The following PPFIA1 variants were observed in gnomAD, a reference collection of about 807,000 sequenced individuals.
PPFIA1 encodes the protein PPFI scaffold protein A1, also known as liprin-alpha-1.
Under a neutral mutation model 149.9 loss-of-function variants are expected in PPFIA1, and 25 were observed. The observed-to-expected ratio is 0.17, with a 90% confidence interval of 0.12 to 0.23. The LOEUF (loss-of-function observed/expected upper bound fraction) is 0.23, where lower values mean the gene tolerates loss of function less well. PPFIA1 is among the 10% of genes least tolerant of loss of function. The probability of loss-of-function intolerance (pLI) is 1.00; values close to 1 mark genes in which losing one functional copy is unlikely to be tolerated. For synonymous variants in PPFIA1, 549 were observed against 552.8 expected (o/e 0.99, Z 0.10); for missense variants, 1,362 against 1,506.5 (o/e 0.90, Z 1.59).
chr11:70,293,109 A>G (rs1350579308), intron 2 of PPFIA1, among the ~76,000 whole-genome samples: 3 of 152,234 alleles, frequency 2.0e-5, no homozygotes, highest in Non-Finnish European at 4.4e-5. Flanking sequence ...GGCACACAGT[A>G]GACACACACA....
At chr11:70,350,552 T>A (rs1438651073) in intron 16 of PPFIA1, among the ~76,000 whole-genome samples, 1 of 152,214 alleles carries the variant, frequency 6.6e-6, no homozygotes, top group Non-Finnish European at 1.5e-5. Context: ...GTAAGGATTT[T>A]ACATTAATGT....
chr11:70,316,348 A>G (rs1395506759), intron 2 of PPFIA1, among the ~76,000 whole-genome samples: 6 of 152,274 alleles, frequency 3.9e-5, no homozygotes, highest in Admixed American at 2.6e-4. Flanking sequence ...CTGGGATTAC[A>G]GGCATGTGCC....
intron 19 of PPFIA1, 36 bp downstream of exon 19, chr11:70,356,290 G>A (rs2056359257): frequency 1.3e-6 from 2 of 1,505,724 alleles, no homozygotes; most frequent in Admixed American, 1.7e-5. Flanking sequence ...TCATTGAATG[G>A]TTTTCAGTTG....
intron 2 of PPFIA1, chr11:70,321,417 T>A (rs1357980566): frequency 6.6e-6 from 1 of 152,166 alleles, no homozygotes; most frequent in African/African-American, 2.4e-5. Context: ...AATTCCTCTA[T>A]GCTCAAAGAC....
rs779454180 is a variant in PPFIA1 at position 70,343,761 on chromosome 11, G to T, written c.1800G>T (p.Val600=). Residue 600 remains valine (V), a synonymous_variant, in exon 15 of 28, where the codon GTG becomes GTT. Coordinates refer to ENST00000253925, the MANE Select transcript of PPFIA1 (RefSeq NM_003626.5). The part of the protein sequence containing the change: ...VAQAFESDAD[V]SDGEDDRDTL... Reference sequence around the variant, plus strand: ...AAGCATTCGAGAGTGATGCTGACGTGTCTGATGGTGAAGATGACAGGGACA... The same window carrying T: ...AAGCATTCGAGAGTGATGCTGACGTTTCTGATGGTGAAGATGACAGGGACA... 15 of 1,614,212 alleles carry T rather than the reference G, an allele frequency of 9.3e-6. No individual in the cohort carries two copies. The South Asian group carries it at 1.6e-4, about 18-fold the overall frequency.
intron 2 of PPFIA1, among the ~76,000 whole-genome samples, chr11:70,322,161 G>A (rs774343474): frequency 2.0e-5 from 3 of 152,214 alleles, no homozygotes; most frequent in Non-Finnish European, 4.4e-5. Context: ...TTACAGGTGT[G>A]AGCCACCATG....
chr11:70,287,337 C>T (rs568803544), intron 2 of PPFIA1, among the ~76,000 whole-genome samples: 2 of 152,158 alleles, frequency 1.3e-5, no homozygotes, highest in Admixed American at 6.5e-5. Context: ...GTAAATAAGC[C>T]GTTGTCTGAG....
chr11:70,370,877 C>CCTAG (rs2057199854), intron 21 of PPFIA1, among the ~76,000 whole-genome samples: 2 of 152,024 alleles, frequency 1.3e-5, no homozygotes. Flanking sequence ...CGCCTGTAAT[C>CCTAG]CTAGCGGTTT....
rs1404074480 is a variant in PPFIA1 at position 70,355,835 on chromosome 11, C to T, written c.2488+24C>T. 3.8e-6 allele frequency: 6 copies of T among 1,594,200 alleles called. No homozygotes were observed. The South Asian group carries it at 4.5e-5, about 12-fold the overall frequency. On this transcript the variant is annotated intron_variant, in intron 18 of 27. Coordinates refer to ENST00000253925, the MANE Select transcript of PPFIA1 (RefSeq NM_003626.5). ...AGGTTGGTTGGTTTTCCGCACCCTT[C>T]TCAGCACCCAGGGGTCGGGGAGGAA... is the stretch of plus-strand genomic sequence containing the variant.
chr11:70,351,083 A>G (rs2137272887), intron 16 of PPFIA1: 1 of 944,644 alleles, frequency 1.1e-6, no homozygotes, highest in East Asian at 7.9e-5. Flanking sequence ...AAGAGTACCT[A>G]TCATATTTTC....
At chr11:70,289,986 C>T (rs11235754) in intron 2 of PPFIA1, among the ~76,000 whole-genome samples, 34,202 of 152,000 alleles carry the variant, frequency 0.23, 5,937 homozygotes, top group African/African-American at 0.48. Flanking sequence ...TCCCACACTT[C>T]GGGAGGCTGA....
chr11:70,322,567 A>C (rs997492285), intron 2 of PPFIA1, among the ~76,000 whole-genome samples: 7 of 152,122 alleles, frequency 4.6e-5, no homozygotes, highest in Non-Finnish European at 7.4e-5. Context: ...TTTAAGCCAC[A>C]TTTGGGTGAT....
At chr11:70,333,658 C>CTGG (rs2054804224) in intron 10 of PPFIA1, 105 bp downstream of exon 10, 1 of 882,460 alleles carries the variant, frequency 1.1e-6, no homozygotes, top group Middle Eastern at 2.4e-4. Flanking sequence ...GATGTTGGTC[C>CTGG]TCCAGCTCAG....
At chr11:70,335,905 A>G (rs1591261418) in intron 11 of PPFIA1, among the ~76,000 whole-genome samples, 1 of 152,194 alleles carries the variant, frequency 6.6e-6, no homozygotes, top group African/African-American at 2.4e-5. Flanking sequence ...TGTATGGGAA[A>G]TTGTTTATCA....
At chr11:70,330,892 G>A (rs1223805115) in intron 8 of PPFIA1, among the ~76,000 whole-genome samples, 2 of 152,236 alleles carry the variant, frequency 1.3e-5, no homozygotes, top group African/African-American at 2.4e-5. Context: ...TGCTATGATT[G>A]TGCCACTGGA....
intron 2 of PPFIA1, among the ~76,000 whole-genome samples, chr11:70,312,931 C>T (rs1272845953): frequency 6.6e-6 from 1 of 152,156 alleles, no homozygotes; most frequent in Non-Finnish European, 1.5e-5. Context: ...GGGGACCTGT[C>T]CATGCCCACG....
chr11:70,379,502 C>G (rs1173062155), intron 26 of PPFIA1, among the ~76,000 whole-genome samples: 1 of 151,384 alleles, frequency 6.6e-6, no homozygotes, highest in Admixed American at 6.6e-5. Flanking sequence ...AGGGGCCAAG[C>G]ATGGTGGCTT....
intron 26 of PPFIA1, chr11:70,378,439 A>C (rs1565470761): frequency 8.0e-7 from 1 of 1,246,098 alleles, no homozygotes. Context: ...TCCAACTAAT[A>C]AAGCTCAGTA....
chr11:70,338,763 A>G (rs887894186), intron 13 of PPFIA1, among the ~76,000 whole-genome samples: 2 of 152,258 alleles, frequency 1.3e-5, no homozygotes, highest in African/African-American at 4.8e-5. Context: ...CTCACACCAC[A>G]GATGCTGGCA....
Sources: gnomAD v4.1 joint callset for allele counts (sites outside exome capture counted in the v4.1 genomes callset) on GRCh38, gnomAD v4.1.1 for gene constraint, MANE v1.5 for transcripts, NCBI Gene and HGNC (gene_info 2026-07-23, HGNC 2026-07-21) for gene names.